Variants in PTPRK observed in about 807,000 individuals in gnomAD.
The protein encoded by PTPRK is receptor-type tyrosine-protein phosphatase kappa.
A neutral mutation model predicts 178.0 loss-of-function variants in PTPRK; 75 were observed. That is an observed-to-expected ratio of 0.42 (90% confidence interval 0.35 to 0.51). PTPRK has a LOEUF of 0.51. Among genes scored for constraint, PTPRK ranks in the 20% least tolerant of loss-of-function variants. The pLI is 0.02. For synonymous variants in PTPRK, 637 were observed against 620.6 expected (o/e 1.03, Z -0.39); for missense variants, 1,441 against 1,797.8 (o/e 0.80, Z 3.59).
At chr6:128,108,263 T>C (rs1232866324) in intron 7 of PTPRK, among the ~76,000 whole-genome samples, 1 of 152,212 alleles carries the variant, frequency 6.6e-6, no homozygotes, top group East Asian at 1.9e-4. Context: ...ACAGTCATTT[T>C]AGTGAATAAA....
intron 6 of PTPRK, among the ~76,000 whole-genome samples, chr6:128,207,883 A>C (rs1037590588): frequency 6.6e-6 from 1 of 152,140 alleles, no homozygotes; most frequent in South Asian, 2.1e-4. Context: ...GGTGTCCCAT[A>C]AACTATCCAA....
intron 5 of PTPRK, chr6:128,238,116 G>A (rs1488939267): frequency 2.3e-6 from 1 of 439,700 alleles, no homozygotes; most frequent in Non-Finnish European, 4.5e-6. Context: ...GCACACTACT[G>A]AAGAATGAGG....
At chr6:128,093,861 C>G (rs998663418) in intron 7 of PTPRK, among the ~76,000 whole-genome samples, 1 of 151,062 alleles carries the variant, frequency 6.6e-6, no homozygotes, top group Non-Finnish European at 1.5e-5. Context: ...ATTTGTTTAT[C>G]AAAGATGTTA....
chr6:128,312,291 G>C (rs1173482470), intron 3 of PTPRK, among the ~76,000 whole-genome samples: 1 of 152,174 alleles, frequency 6.6e-6, no homozygotes, highest in Non-Finnish European at 1.5e-5. Flanking sequence ...AGTTAGAGCA[G>C]TTGTTTTTAG....
chr6:128,374,786 C>T (rs2128351025), intron 2 of PTPRK, among the ~76,000 whole-genome samples: 1 of 152,212 alleles, frequency 6.6e-6, no homozygotes, highest in South Asian at 2.1e-4. Context: ...CATGTCACTC[C>T]ATTTAGAACT....
At chr6:128,288,346 G>A (rs973061502) in intron 3 of PTPRK, among the ~76,000 whole-genome samples, 11 of 152,024 alleles carry the variant, frequency 7.2e-5, no homozygotes, top group Admixed American at 2.0e-4. Flanking sequence ...ACATCTATAC[G>A]CTTTGGATAT....
chr6:128,173,540 T>A (rs915012132), intron 7 of PTPRK, among the ~76,000 whole-genome samples: 6 of 151,970 alleles, frequency 3.9e-5, no homozygotes, highest in Admixed American at 3.3e-4. Context: ...CTATGAACCA[T>A]AAACCCAGGA....
At chr6:128,017,315 A>T (rs1263645562) in intron 13 of PTPRK, among the ~76,000 whole-genome samples, 1 of 152,034 alleles carries the variant, frequency 6.6e-6, no homozygotes, top group Non-Finnish European at 1.5e-5. Flanking sequence ...TGTATTTGAC[A>T]ATCCCAATAC....
At chr6:128,310,917 C>A (rs1827149997) in intron 3 of PTPRK, among the ~76,000 whole-genome samples, 1 of 151,962 alleles carries the variant, frequency 6.6e-6, no homozygotes, top group South Asian at 2.1e-4. Flanking sequence ...ATTAGAACAC[C>A]CAGGTGTAGG....
intron 11 of PTPRK, among the ~76,000 whole-genome samples, chr6:128,071,156 A>G (rs1782757116): frequency 6.6e-6 from 1 of 151,272 alleles, no homozygotes; most frequent in African/African-American, 2.4e-5. Flanking sequence ...CCTTATATTC[A>G]CTTTTATTTA....
At chr6:128,377,915 A>G (rs1167637070) in intron 2 of PTPRK, among the ~76,000 whole-genome samples, 1 of 152,180 alleles carries the variant, frequency 6.6e-6, no homozygotes, top group East Asian at 1.9e-4. Flanking sequence ...AATTTTAAAC[A>G]CATTAGAATT....
intron 2 of PTPRK, among the ~76,000 whole-genome samples, chr6:128,378,043 T>G (rs1837350341): frequency 6.6e-6 from 1 of 152,158 alleles, no homozygotes; most frequent in Admixed American, 6.5e-5. Flanking sequence ...TAGACTGTGT[T>G]TCACAAATCT....
chr6:128,271,358 T>C (rs2128297590), intron 3 of PTPRK, among the ~76,000 whole-genome samples: 1 of 152,278 alleles, frequency 6.6e-6, no homozygotes, highest in African/African-American at 2.4e-5. Flanking sequence ...ACCGGCCTGG[T>C]GTCCACTGTA....
intron 4 of PTPRK, 105 bp from the exon 5 acceptor site, chr6:128,240,255 C>G: frequency 2.5e-6 from 2 of 808,348 alleles, no homozygotes; most frequent in Non-Finnish European, 3.9e-6. Context: ...TACCTTTGGC[C>G]AAGACTAACA....
intron 6 of PTPRK, among the ~76,000 whole-genome samples, chr6:128,211,973 A>C (rs1193200943): frequency 1.3e-5 from 2 of 152,044 alleles, no homozygotes; most frequent in Non-Finnish European, 2.9e-5. Context: ...GCTTCTGTTC[A>C]ATTAACATTC....
rs116518607 is a variant in PTPRK at position 128,000,698 on chromosome 6, T to G, written c.2495-1794A>C. Among the ~76,000 whole-genome samples, 1,492 of 152,060 alleles carry G rather than the reference T, an allele frequency of 9.8e-3. 26 individuals carry two copies. The highest frequency in any genetic ancestry group is 0.034 in the African/African-American group (1,424 of 41,514). On this transcript the variant is annotated intron_variant, in intron 15 of 29. Transcript: ENST00000368226. ...ATACATCTCCCCAGAAAAATTAAAT[T>G]CAGAAGCAATTGATTTGGGCACTGC...
chr6:128,263,425 A>G (rs1301965174), intron 3 of PTPRK, among the ~76,000 whole-genome samples: 1 of 152,124 alleles, frequency 6.6e-6, no homozygotes, highest in Non-Finnish European at 1.5e-5. Flanking sequence ...TTTCAGAGGT[A>G]GAAATGCTCT....
At chr6:128,432,687 A>G (rs1021743575) in intron 1 of PTPRK, among the ~76,000 whole-genome samples, 1 of 152,056 alleles carries the variant, frequency 6.6e-6, no homozygotes, top group African/African-American at 2.4e-5. Context: ...ACAGGTATGA[A>G]GTACAAAGTG....
At chr6:128,023,348 A>G (rs146006759) in intron 13 of PTPRK, among the ~76,000 whole-genome samples, 1 of 152,304 alleles carries the variant, frequency 6.6e-6, no homozygotes, top group East Asian at 1.9e-4. Context: ...CTGATCTTAA[A>G]TTCACAACTC....
Sources: gnomAD v4.1 joint callset for allele counts (sites outside exome capture counted in the v4.1 genomes callset) on GRCh38, gnomAD v4.1.1 for gene constraint, MANE v1.5 for transcripts, NCBI Gene and HGNC (gene_info 2026-07-23, HGNC 2026-07-21) for gene names.